KANK1: variants seen among roughly 807,000 people sequenced by gnomAD.
KANK1 encodes KN motif and ankyrin repeat domains 1.
Under a neutral mutation model 106.2 loss-of-function variants are expected in KANK1, and 109 were observed. That is an observed-to-expected ratio of 1.03 (90% CI 0.88 to 1.20). KANK1 has a LOEUF of 1.20. Among genes scored for constraint, KANK1 ranks in the 50% most tolerant of loss-of-function variants. The pLI, the probability that KANK1 is intolerant of heterozygous loss-of-function variation, is 0.00. For synonymous variants in KANK1, 873 were observed against 652.2 expected, an observed-to-expected ratio of 1.34 and a Z score of -5.16; for missense variants, 2,399 against 1,710.7, an observed-to-expected ratio of 1.40 and a Z score of -7.10.
At chr9:617,102 CAGTT>C (rs1379299396) in intron 1 of KANK1, among the ~76,000 whole-genome samples, 7 of 151,846 alleles carry the variant, frequency 4.6e-5, no homozygotes, top group Non-Finnish European at 8.8e-5. Context: ...AATGTTAGGT[CAGTT>C]AGGTCGATTT....
intron 1 of KANK1, among the ~76,000 whole-genome samples, chr9:519,559 AT>A (rs2059452696): frequency 6.6e-6 from 1 of 151,780 alleles, no homozygotes; most frequent in Non-Finnish European, 1.5e-5. Context: ...TAAGATTTCC[AT>A]GCAGAGCCTA....
intron 1 of KANK1, among the ~76,000 whole-genome samples, chr9:566,628 C>G (rs982106086): frequency 3.9e-5 from 6 of 152,096 alleles, no homozygotes; most frequent in Non-Finnish European, 7.4e-5. Context: ...AGCTTTTTTT[C>G]CACATACTTG....
chr9:620,803 T>C (rs898469238), intron 1 of KANK1, among the ~76,000 whole-genome samples: 2 of 152,168 alleles, frequency 1.3e-5, no homozygotes, highest in African/African-American at 2.4e-5. Flanking sequence ...TATTGGAGCA[T>C]AATAGAATTC....
chr9:479,232 C>T lies in KANK1; in HGVS notation c.-362+5959C>T, dbSNP rs146424088. Among the ~76,000 whole-genome samples, 406 of 152,280 alleles carry T rather than the reference C, an allele frequency of 2.7e-3. 4 individuals carry two copies. Among genetic ancestry groups the T allele is most frequent in the African/African-American group, 8.9e-3 (371 of 41,556 alleles). ...CTTCCTGGTTACCAATGTTAACAGA[C>T]GCATAAGCTATTAGTCAAAACTCTT... On this transcript the variant is annotated intron_variant, in intron 3 of 15. Transcript: ENST00000382303.
chr9:697,194 GT>G (rs1225284092), intron 2 of KANK1, among the ~76,000 whole-genome samples: 1 of 151,946 alleles, frequency 6.6e-6, no homozygotes, highest in Non-Finnish European at 1.5e-5. Context: ...GGCCATGATG[GT>G]TTTAAAAAGA....
intron 1 of KANK1, among the ~76,000 whole-genome samples, chr9:519,631 C>T (rs555887310): frequency 1.1e-4 from 16 of 151,744 alleles, no homozygotes; most frequent in African/African-American, 3.6e-4. Flanking sequence ...CTCATAAAAT[C>T]CCAGACAATT....
chr9:620,433 C>G (rs1281492812), intron 1 of KANK1, among the ~76,000 whole-genome samples: 1 of 152,002 alleles, frequency 6.6e-6, no homozygotes, highest in Non-Finnish European at 1.5e-5. Context: ...GAGTCTCGCA[C>G]TGTCACCCGG....
chr9:574,878 A>C (rs985391121), intron 1 of KANK1, among the ~76,000 whole-genome samples: 1 of 151,938 alleles, frequency 6.6e-6, no homozygotes, highest in Non-Finnish European at 1.5e-5. Flanking sequence ...AAAGAAAAAA[A>C]ATATTTTTTC....
At chr9:592,779 G>A (rs962017431) in intron 1 of KANK1, among the ~76,000 whole-genome samples, 10 of 151,902 alleles carry the variant, frequency 6.6e-5, no homozygotes, top group Admixed American at 2.6e-4. Context: ...AATTTTTGTA[G>A]TTCTTGTTTA....
At chr9:543,622 G>A (rs1292199058) in intron 1 of KANK1, among the ~76,000 whole-genome samples, 1 of 150,504 alleles carries the variant, frequency 6.6e-6, no homozygotes, top group Non-Finnish European at 1.5e-5. Context: ...CTGCGTGTTT[G>A]TCCTTCTACG....
At chr9:492,613 T>G (rs1404850923) in intron 3 of KANK1, among the ~76,000 whole-genome samples, 1 of 152,230 alleles carries the variant, frequency 6.6e-6, no homozygotes, top group Non-Finnish European at 1.5e-5. Context: ...TAAATATCAT[T>G]ATTTATTATT....
intron 1 of KANK1, among the ~76,000 whole-genome samples, chr9:629,994 TC>T: frequency 1.3e-5 from 2 of 152,296 alleles, no homozygotes; most frequent in South Asian, 4.1e-4. Context: ...ACGCCTGTAA[TC>T]CCAGCACTTT....
intron 1 of KANK1, among the ~76,000 whole-genome samples, chr9:559,860 C>G (rs1176229159): frequency 6.6e-6 from 1 of 152,210 alleles, no homozygotes; most frequent in African/African-American, 2.4e-5. Context: ...TTCACACATA[C>G]TCTGTTCTTC....
chr9:518,408 C>CAGTTTT (rs1554608882), intron 1 of KANK1, among the ~76,000 whole-genome samples: 1 of 151,536 alleles, frequency 6.6e-6, no homozygotes, highest in Non-Finnish European at 1.5e-5. Context: ...TGGCCCAGGG[C>CAGTTTT]AGTTTTTACT....
intron 1 of KANK1, among the ~76,000 whole-genome samples, chr9:544,630 G>A (rs1284153676): frequency 6.6e-6 from 1 of 152,136 alleles, no homozygotes; most frequent in Non-Finnish European, 1.5e-5. Flanking sequence ...TCTGATAGGG[G>A]AAGTACGGGC....
chr9:610,071 C>G (rs1395273911), intron 1 of KANK1, among the ~76,000 whole-genome samples: 1 of 152,076 alleles, frequency 6.6e-6, no homozygotes, highest in African/African-American at 2.4e-5. Flanking sequence ...CTGACTTTCT[C>G]ATGTTTAAAA....
intron 1 of KANK1, among the ~76,000 whole-genome samples, chr9:519,563 A>G (rs1426570091): frequency 6.6e-6 from 1 of 151,804 alleles, no homozygotes; most frequent in African/African-American, 2.4e-5. Context: ...ATTTCCATGC[A>G]GAGCCTAATA....
upstream of KANK1, among the ~76,000 whole-genome samples, chr9:501,608 A>C (rs1230812948): frequency 1.5e-5 from 2 of 131,114 alleles, no homozygotes; most frequent in Non-Finnish European, 3.1e-5. Flanking sequence ...GCCCACGCAC[A>C]GACATACACA....
At chr9:683,731 G>T (rs1231047839) in intron 2 of KANK1, among the ~76,000 whole-genome samples, 2 of 151,990 alleles carry the variant, frequency 1.3e-5, no homozygotes. Context: ...TTCTTAGTAT[G>T]GATTATTTCA....
Sources: allele counts gnomAD v4.1 joint callset (sites outside exome capture counted in the v4.1 genomes callset), GRCh38; gene constraint gnomAD v4.1.1; transcripts MANE v1.5; gene names NCBI Gene and HGNC (gene_info 2026-07-23, HGNC 2026-07-21).